The following GALNS variants were observed in gnomAD, a reference collection of about 807,000 sequenced individuals.
GALNS encodes the protein N-acetylgalactosamine-6-sulfatase.
In GALNS, 65 loss-of-function variants were observed where a neutral mutation model predicts 65.9. The observed-to-expected ratio is 0.99, with a 90% CI of 0.81 to 1.21. The LOEUF (loss-of-function observed/expected upper bound fraction) is 1.21. Ranked by LOEUF, GALNS falls within the 50% of genes most tolerant of loss-of-function variation. The probability of loss-of-function intolerance (pLI) is 0.00; values close to 1 mark genes in which losing one functional copy is unlikely to be tolerated. For synonymous variants in GALNS, 346 were observed against 288.9 expected (o/e 1.20, Z -2.00); for missense variants, 776 against 700.7 (o/e 1.11, Z -1.21).
intron 12 of GALNS, 60 bp from the exon 13 acceptor site, chr16:88,818,184 T>C (rs141245770): frequency 1.0e-5 from 14 of 1,361,982 alleles, no homozygotes; most frequent in Non-Finnish European, 1.4e-5. Flanking sequence ...GGAGAGGGGC[T>C]GGCCTGGACA....
intron 1 of GALNS, chr16:88,855,466 A>C: frequency 2.8e-6 from 2 of 702,866 alleles, no homozygotes; most frequent in Non-Finnish European, 5.2e-6. Flanking sequence ...AGGCCCGGCT[A>C]CTGCTGTCAG....
chr16:88,846,216 G>A (rs1967235413), intron 1 of GALNS, among the ~76,000 whole-genome samples: 1 of 152,190 alleles, frequency 6.6e-6, no homozygotes. Flanking sequence ...CTCAGCATGT[G>A]ACCTTAGTTA....
In GALNS at chr16:88,814,523, G is replaced by A; in HGVS notation, c.1485C>T (p.Asn495=). 1.9e-6 allele frequency: 3 copies of A among 1,555,224 alleles called. No individual in the cohort carries two copies. Among genetic ancestry groups the A allele is most frequent in the Middle Eastern group, 1.7e-4 (1 of 5,800 alleles). Residue 495 remains asparagine, a splice_region_variant and synonymous_variant, in exon 14 of 14, where the codon AAC becomes AAT. Transcript: ENST00000268695. Reference sequence around the variant, plus strand: ...ACTTTTCACAGCCCGGAGGTGCCCAGTTCTGGGAAATGAAAATTGAGAAAA... The same window carrying A: ...ACTTTTCACAGCCCGGAGGTGCCCAATTCTGGGAAATGAAAATTGAGAAAA... ...QLNVCNWAVM[N]WAPPGCEKLG...
intron 13 of GALNS, chr16:88,815,621 G>T: frequency 1.0e-6 from 1 of 985,482 alleles, no homozygotes; most frequent in Non-Finnish European, 1.2e-6. Context: ...CCCCATCCAG[G>T]CCACTTCTGT....
chr16:88,816,415 C>T (rs564043469), intron 13 of GALNS: 2 of 985,324 alleles, frequency 2.0e-6, no homozygotes, highest in South Asian at 4.7e-5. Flanking sequence ...AGACAGGGAC[C>T]TCCCTGCTCC....
rs1050720955 is a variant in GALNS at position 88,855,707 on chromosome 16, T to C, written c.120+1051A>G. On this transcript the variant is annotated intron_variant, in intron 1 of 13. Transcript: ENST00000268695. Reference sequence around the variant, plus strand: ...TACATTATTTTTCTTTCACCAAGTCTTCTAAATCTGTGTATTTTACACTAC... The same window carrying C: ...TACATTATTTTTCTTTCACCAAGTCCTCTAAATCTGTGTATTTTACACTAC... The C allele has an allele frequency of 8.0e-5, 47 of 588,206 alleles. No homozygotes were observed. In the African/African-American group the frequency reaches 8.0e-4, roughly 10 times the overall value. The allele number at this position is 588,206 out of a possible 1,614,324, so 36.4% of individuals were successfully genotyped here. A position where few individuals can be genotyped will look rare whatever the true frequency, so the allele number is the denominator to read the frequency against.
At chr16:88,837,807 G>A (rs1475393321) in intron 4 of GALNS, 42 bp from the exon 5 acceptor site, 3 of 1,609,756 alleles carry the variant, frequency 1.9e-6, no homozygotes, top group East Asian at 4.5e-5. Flanking sequence ...CCCCACGTGG[G>A]GACACTCGGA....
Position 88,841,027 on chromosome 16 carries a change from C to G in GALNS, c.387G>C (p.Lys129Asn), listed in dbSNP as rs752783795. The G allele has an allele frequency of 2.5e-6, 4 of 1,613,328 alleles. No individual in the cohort carries two copies. The South Asian group carries it at 4.4e-5, about 18-fold the overall frequency. Residue 129 changes from lysine to asparagine, a missense_variant, in exon 4 of 14, where the codon AAG becomes AAC. By Grantham distance (94) the Lys-to-Asn change is moderately conservative. Coordinates refer to ENST00000268695, the MANE Select transcript of GALNS (RefSeq NM_000512.5). Reference protein sequence around the residue: ...DSEQLLPELLKKAGYVSKIVG... With the variant: ...DSEQLLPELLNKAGYVSKIVG... ...CAATCTTGCTGACGTAGCCGGCCTT[C>G]TTCAGAAGCTCCGGCAGGAGCTGCT...
chr16:88,815,599 T>C, intron 13 of GALNS: 2 of 985,442 alleles, frequency 2.0e-6, no homozygotes, highest in Non-Finnish European at 2.4e-6. Flanking sequence ...TGAGTGCAGT[T>C]TGGTTCTGTG....
chr16:88,841,487 A>G (rs1481920694), intron 3 of GALNS, among the ~76,000 whole-genome samples: 3 of 151,986 alleles, frequency 2.0e-5, no homozygotes, highest in Admixed American at 6.5e-5. Context: ...CCTTTCCTCA[A>G]ATGCCACTGG....
At chr16:88,824,915 C>G in intron 10 of GALNS, 46 bp from the exon 11 acceptor site, 2 of 1,507,618 alleles carry the variant, frequency 1.3e-6, no homozygotes, top group Non-Finnish European at 1.8e-6. Context: ...GAAGGACACG[C>G]TGGGGCCACC....
chr16:88,835,714 C>T lies in GALNS; in HGVS notation c.758+11G>A. The stretch of plus-strand genomic sequence containing the variant: ...CCAGCGAGGTCTATGCTCCATGGAG[C>T]CAGGACTCACCGCCCTCGCTGACTG... On this transcript the variant is annotated intron_variant, in intron 7 of 13. Transcript: ENST00000268695. 6.2e-7 allele frequency: 1 copy of T among 1,613,864 alleles called. No individual in the cohort carries two copies. The highest frequency in any genetic ancestry group is 8.5e-7 in the Non-Finnish European group (1 of 1,180,022).
At chr16:88,827,350 G>A (rs946035492) in intron 9 of GALNS, among the ~76,000 whole-genome samples, 2 of 152,216 alleles carry the variant, frequency 1.3e-5, no homozygotes, top group Non-Finnish European at 2.9e-5. Flanking sequence ...TGTCTTTCCC[G>A]CCGTGCCTTG....
Position 88,831,953 on chromosome 16 carries a change from C to T in GALNS, c.1002+45G>A, listed in dbSNP as rs764618547. The T allele has an allele frequency of 7.1e-6, 11 of 1,550,610 alleles. No homozygotes were observed. In the South Asian group the frequency reaches 1.0e-4, roughly 14 times the overall value. On this transcript the variant is annotated intron_variant, in intron 9 of 13. Transcript: ENST00000268695. ...GGGCGCACACACCCTGGGATGGCTG[C>T]AGGCCTGGACCTGCTGCCCGGCAGA... is the stretch of plus-strand genomic sequence containing the variant.
chr16:88,833,984 C>T (rs78575714), intron 8 of GALNS, among the ~76,000 whole-genome samples: 1 of 151,762 alleles, frequency 6.6e-6, no homozygotes, highest in Admixed American at 6.6e-5. Flanking sequence ...CCCCCCCGGG[C>T]TCCCCATGGG....
At chr16:88,824,198 G>C in intron 11 of GALNS, among the ~76,000 whole-genome samples, 1 of 151,988 alleles carries the variant, frequency 6.6e-6, no homozygotes. Context: ...GGGGATGCTG[G>C]AGCGTAGGGG....
At chr16:88,815,501 TAGCGGA>T in intron 13 of GALNS, 1 of 985,486 alleles carries the variant, frequency 1.0e-6, no homozygotes, top group Non-Finnish European at 1.2e-6. Flanking sequence ...CAGCCTTGCT[TAGCGGA>T]AGCCTTGCTT....
At chr16:88,851,570 G>A (rs1303643729) in intron 1 of GALNS, among the ~76,000 whole-genome samples, 1 of 152,226 alleles carries the variant, frequency 6.6e-6, no homozygotes, top group Non-Finnish European at 1.5e-5. Flanking sequence ...CCTCACTCAG[G>A]AAGTGCGAGG....
Position 88,842,790 on chromosome 16 carries a change from T to C in GALNS, c.160A>G (p.Arg54Gly), listed in dbSNP as rs1021994637. 1 of 1,613,318 alleles carries C rather than the reference T, an allele frequency of 6.2e-7. No individual in the cohort carries two copies. Among genetic ancestry groups the C allele is most frequent in the African/African-American group, 1.3e-5 (1 of 74,952 alleles). Reference protein sequence around the residue: ...GDLGVYGEPSRETPNLDRMAA... With the variant: ...GDLGVYGEPSGETPNLDRMAA... ...ATCCGGTCCAAATTCGGGGTCTCTC[T>C]GGAGGGCTCTCCATACACCCCGAGG... The change falls in exon 2 of 14, where the codon AGA becomes GGA. Residue 54 changes from arginine (R) to glycine (G), a missense_variant. Physicochemically the swap from Arg to Gly is moderately radical, Grantham distance 125. Coordinates refer to ENST00000268695, the MANE Select transcript of GALNS (RefSeq NM_000512.5).
Sources: gnomAD v4.1 joint callset for allele counts (sites outside exome capture counted in the v4.1 genomes callset) on GRCh38, gnomAD v4.1.1 for gene constraint, MANE v1.5 for transcripts, NCBI Gene and HGNC (gene_info 2026-07-23, HGNC 2026-07-21) for gene names.